Variants in PHF21B observed in about 807,000 individuals in gnomAD.
The protein encoded by PHF21B is PHD finger protein 21B.
Under a neutral mutation model 62.2 loss-of-function variants are expected in PHF21B, and 22 were observed. The observed-to-expected ratio is 0.35, with a 90% confidence interval of 0.25 to 0.51. The LOEUF is 0.51. Among genes scored for constraint, PHF21B ranks in the 20% least tolerant of loss-of-function variants. The pLI, the probability that PHF21B is intolerant of heterozygous loss-of-function variation, is 0.97. For synonymous variants in PHF21B, 341 were observed against 314.7 expected, an observed-to-expected ratio of 1.08 and a Z score of -0.88; for missense variants, 701 against 707.9, an observed-to-expected ratio of 0.99 and a Z score of 0.11.
At chr22:44,937,223 C>T (rs2071867431) in intron 2 of PHF21B, among the ~76,000 whole-genome samples, 1 of 152,188 alleles carries the variant, frequency 6.6e-6, no homozygotes, top group African/African-American at 2.4e-5. Context: ...TCCATGGTAA[C>T]ATCAAAACAC....
intron 11 of PHF21B, 122 bp downstream of exon 11, chr22:44,885,741 A>C: frequency 8.6e-7 from 1 of 1,156,120 alleles, no homozygotes; most frequent in East Asian, 2.4e-5. Flanking sequence ...CCCACTTTTC[A>C]GTGCTCTGGC....
At chr22:44,902,475 T>C (rs1249793547) in intron 5 of PHF21B, 1 of 169,676 alleles carries the variant, frequency 5.9e-6, no homozygotes, top group Admixed American at 6.1e-5. Flanking sequence ...AAAATAACTA[T>C]TTTTTGAATT....
chr22:44,896,188 G>A, intron 5 of PHF21B, 105 bp from the exon 6 acceptor site: 1 of 1,272,856 alleles, frequency 7.9e-7, no homozygotes, highest in Non-Finnish European at 1.1e-6. Context: ...CCTCATGGGT[G>A]CCCTAACCAC....
chr22:44,990,673 G>A (rs1262178110), intron 2 of PHF21B, among the ~76,000 whole-genome samples: 4 of 152,236 alleles, frequency 2.6e-5, no homozygotes, highest in African/African-American at 7.2e-5. Flanking sequence ...GGAGCCTGGG[G>A]AGGAAGGAAT....
chr22:44,900,458 G>A (rs1474530415), intron 5 of PHF21B, among the ~76,000 whole-genome samples: 1 of 152,018 alleles, frequency 6.6e-6, no homozygotes, highest in Non-Finnish European at 1.5e-5. Flanking sequence ...CCGCCACCAC[G>A]CCCAGCTAAT....
rs751848926 is a variant in PHF21B, at chr22:44,885,915, C to A, written c.1221G>T (p.Val407=). The A allele has an allele frequency of 1.2e-6, 2 of 1,614,128 alleles. No individual in the cohort carries two copies. Among genetic ancestry groups the A allele is most frequent in the East Asian group, 4.5e-5 (2 of 44,878 alleles). Residue 407 remains valine (V), a synonymous_variant, in exon 11 of 13, where the codon GTG becomes GTT. Transcript: ENST00000313237. Reference sequence around the variant, plus strand: ...CGATGGCCAGCATCCCAGTCCAGGGCACACCCTCGTCTTTCTTTAAGGCCT... The same window carrying A: ...CGATGGCCAGCATCCCAGTCCAGGGAACACCCTCGTCTTTCTTTAAGGCCT... ...QQKALKKDEG[V]PWTGMLAIVH...
intron 2 of PHF21B, among the ~76,000 whole-genome samples, chr22:44,960,340 C>CA (rs1241153059): frequency 3.4e-4 from 52 of 152,190 alleles, no homozygotes; most frequent in Non-Finnish European, 6.0e-4. Flanking sequence ...CTTCACTGCC[C>CA]GAAAAATGAG....
intron 2 of PHF21B, among the ~76,000 whole-genome samples, chr22:45,002,462 GGGGA>G (rs2073237487): frequency 6.6e-6 from 1 of 152,162 alleles, no homozygotes; most frequent in Admixed American, 6.5e-5. Context: ...CTGAAGGCTG[GGGGA>G]GGGTCACCTG....
In PHF21B at chr22:45,009,314, C is replaced by T. The variant is rs890613045; in HGVS notation, c.54+182G>A. 1.1e-5 allele frequency: 7 copies of T among 642,598 alleles called. No individual in the cohort carries two copies. In the African/African-American group the frequency reaches 1.4e-4, roughly 12 times the overall value. 39.8% of individuals were successfully genotyped at this position (642,598 alleles called of 1,614,324 possible). A position where few individuals can be genotyped will look rare whatever the true frequency, so the allele number is the denominator to read the frequency against. On this transcript the variant is annotated intron_variant, in intron 1 of 12. Coordinates refer to ENST00000313237, the MANE Select transcript of PHF21B (RefSeq NM_138415.5). The surrounding 1 kb of genome is among the most constrained non-coding windows in gnomAD (Gnocchi z 5.9). ...AAACTGTGCAGGACAGCGCCAGGGGCAGGCGGAGGGGAGCCCAGAAGGGGG... is the reference window on the plus strand; with the variant it reads ...AAACTGTGCAGGACAGCGCCAGGGGTAGGCGGAGGGGAGCCCAGAAGGGGG...
At chr22:44,958,400 C>T (rs911032046) in intron 2 of PHF21B, among the ~76,000 whole-genome samples, 3 of 152,112 alleles carry the variant, frequency 2.0e-5, no homozygotes, top group African/African-American at 7.2e-5. Flanking sequence ...TTTCTCAACC[C>T]GGAGGCCTGT....
chr22:45,009,483 C>T lies in PHF21B; in HGVS notation c.54+13G>A. On this transcript the variant is annotated intron_variant, in intron 1 of 12. Coordinates refer to ENST00000313237, the MANE Select transcript of PHF21B (RefSeq NM_138415.5). This position sits in a 1 kb window ranked among gnomAD's most constrained non-coding sequence, Gnocchi z 5.9. Reference sequence around the variant, plus strand: ...ACACTCCCCGGCCCCGGGCCCGGCCCCCGGCCACCTACCTGGTGGCGCGCG... The same window carrying T: ...ACACTCCCCGGCCCCGGGCCCGGCCTCCGGCCACCTACCTGGTGGCGCGCG... 1 of 1,535,518 alleles carries T rather than the reference C, an allele frequency of 6.5e-7. No homozygotes were observed. The highest frequency in any genetic ancestry group is 8.7e-7 in the Non-Finnish European group (1 of 1,148,006).
chr22:44,896,891 T>TTTTGTTTTTTTG (rs1555933201), intron 5 of PHF21B, among the ~76,000 whole-genome samples: 4 of 142,436 alleles, frequency 2.8e-5, no homozygotes, highest in Admixed American at 7.0e-5. Flanking sequence ...TTTTTTTTTT[T>TTTTGTTTTTTTG]TTTTTGAGAC....
intron 1 of PHF21B, chr22:45,008,973 T>G: frequency 3.7e-6 from 4 of 1,081,416 alleles, no homozygotes; most frequent in Non-Finnish European, 4.5e-6. Flanking sequence ...GGCGAGTCCG[T>G]GTCGAGCAAA....
At chr22:44,907,991 GC>G (rs2071280882) in intron 5 of PHF21B, among the ~76,000 whole-genome samples, 1 of 152,166 alleles carries the variant, frequency 6.6e-6, no homozygotes, top group Non-Finnish European at 1.5e-5. Flanking sequence ...GGCTGGTAAT[GC>G]GGCCCCTTTC....
At chr22:44,931,364 C>T (rs1298138166) in intron 2 of PHF21B, among the ~76,000 whole-genome samples, 4 of 152,158 alleles carry the variant, frequency 2.6e-5, no homozygotes, top group African/African-American at 4.8e-5. Flanking sequence ...CCACCCGGCT[C>T]GGTCTCGGTG....
At chr22:44,973,224 C>A (rs903831433) in intron 2 of PHF21B, among the ~76,000 whole-genome samples, 6 of 152,196 alleles carry the variant, frequency 3.9e-5, no homozygotes, top group African/African-American at 1.4e-4. Flanking sequence ...TCCACCCTGT[C>A]CCCTCCCTGT....
intron 2 of PHF21B, among the ~76,000 whole-genome samples, chr22:44,982,197 G>A (rs909951083): frequency 2.0e-5 from 3 of 152,178 alleles, no homozygotes; most frequent in Non-Finnish European, 4.4e-5. Flanking sequence ...AGGGGAACCC[G>A]GTGTCCCTGC....
At chr22:44,889,732 T>C (rs2070927095) in intron 9 of PHF21B, 28 bp downstream of exon 9, 1 of 1,582,510 alleles carries the variant, frequency 6.3e-7, no homozygotes, top group Middle Eastern at 1.7e-4. Flanking sequence ...ACCCCGGAAG[T>C]GTGAAGACGG....
chr22:45,009,702 G>C lies in PHF21B; in HGVS notation c.-153C>G. On this transcript the variant is annotated 5_prime_UTR_variant, in exon 1 of 13. Transcript: ENST00000313237. This position sits in a 1 kb window ranked among gnomAD's most constrained non-coding sequence, Gnocchi z 5.9. ...CCCCTCCCCCACGGCCGAAAGGGAA[G>C]GGGGCTGGCGAAGGGGAAGACAGGC... The C allele has an allele frequency of 7.5e-6, 5 of 662,544 alleles. No homozygotes were observed. The highest frequency in any genetic ancestry group is 2.4e-5 in the South Asian group (1 of 40,820). The allele number at this position is 662,544 out of a possible 1,614,324, so 41.0% of individuals were successfully genotyped here.
Sources: allele counts gnomAD v4.1 joint callset (sites outside exome capture counted in the v4.1 genomes callset), GRCh38; gene constraint gnomAD v4.1.1; non-coding constraint Gnocchi (gnomAD v3.1); transcripts MANE v1.5; gene names NCBI Gene and HGNC (gene_info 2026-07-23, HGNC 2026-07-21).